The following SLC9C2 variants were observed in gnomAD, a reference collection of about 807,000 sequenced individuals.
SLC9C2 encodes solute carrier family 9 member C2 (putative).
SLC9C2 carries 75 observed loss-of-function variants against 140.2 expected under a neutral mutation model. The ratio of observed to expected loss-of-function variants is 0.53; its 90% CI spans 0.44 to 0.65. The LOEUF is 0.65. Among genes scored for constraint, SLC9C2 ranks in the 30% least tolerant of loss-of-function variants. The pLI, the probability that SLC9C2 is intolerant of heterozygous loss-of-function variation, is 0.00. For missense variants in SLC9C2, 1,074 were observed against 1,331.8 expected (o/e 0.81, Z 3.01); for synonymous variants, 375 against 420.9 (o/e 0.89, Z 1.34).
intron 23 of SLC9C2, among the ~76,000 whole-genome samples, chr1:173,510,510 G>T (rs765919936): frequency 4.9e-4 from 74 of 152,138 alleles, no homozygotes; most frequent in Non-Finnish European, 8.7e-4. Flanking sequence ...AAACGGCCCT[G>T]GTGTGTGATG....
chr1:173,592,809 G>GTTTGACTTCCTCTCTTCCTA (rs1666242226), intron 4 of SLC9C2, among the ~76,000 whole-genome samples: 1 of 152,184 alleles, frequency 6.6e-6, no homozygotes, highest in Non-Finnish European at 1.5e-5. Flanking sequence ...AAGAGGGATA[G>GTTTGACTTCCTCTCTTCCTA]TTTGACTTCC....
At chr1:173,515,983 C>A (rs1024073450) in intron 23 of SLC9C2, among the ~76,000 whole-genome samples, 9 of 152,316 alleles carry the variant, frequency 5.9e-5, no homozygotes, top group Non-Finnish European at 1.5e-5. Context: ...TTTGCTCCCA[C>A]ACCTGGAGAT....
chr1:173,580,551 C>T (rs937949609), intron 7 of SLC9C2, among the ~76,000 whole-genome samples: 1 of 152,158 alleles, frequency 6.6e-6, no homozygotes, highest in Non-Finnish European at 1.5e-5. Flanking sequence ...CAGGGTTTCA[C>T]TATATTGGCC....
chr1:173,600,221 A>C lies in SLC9C2; in HGVS notation c.128-4T>G. 6.2e-7 allele frequency: 1 copy of C among 1,606,884 alleles called. No homozygotes were observed. The highest frequency in any genetic ancestry group is 1.1e-5 in the South Asian group (1 of 90,340). On this transcript the variant is annotated splice_region_variant and splice_polypyrimidine_tract_variant and intron_variant, in intron 2 of 27. Transcript: ENST00000367714. ...TTTAAACACATCTTCAAAAGCCCTAAATGTGAAAAACAGAATAGTTGCATG... is the reference window on the plus strand; with the variant it reads ...TTTAAACACATCTTCAAAAGCCCTACATGTGAAAAACAGAATAGTTGCATG...
intron 6 of SLC9C2, 60 bp from the exon 7 acceptor site, chr1:173,582,068 C>T: frequency 1.5e-6 from 2 of 1,319,678 alleles, no homozygotes; most frequent in Admixed American, 5.5e-5. Context: ...TTGTCTCTTT[C>T]ACTGATGGCA....
chr1:173,505,681 G>A lies in SLC9C2; in HGVS notation c.3226-350C>T, dbSNP rs192150082. On this transcript the variant is annotated intron_variant, in intron 25 of 27. Transcript: ENST00000367714. ...TCAGCATTCCCAGGATGGCAAGACT[G>A]TCTTCCTTTCTTAGACCATTTGTCC... 4.6e-5 allele frequency among the ~76,000 whole-genome samples: 7 copies of A among 152,292 alleles called. No homozygotes were observed. The East Asian group carries it at 1.2e-3, about 25-fold the overall frequency.
At chr1:173,565,036 C>G (rs1664384791) in intron 9 of SLC9C2, among the ~76,000 whole-genome samples, 1 of 142,240 alleles carries the variant, frequency 7.0e-6, no homozygotes, top group Non-Finnish European at 1.5e-5. Flanking sequence ...GGTGCAAACT[C>G]AGCTCACTGC....
At chr1:173,587,619 T>C in intron 5 of SLC9C2, 46 bp downstream of exon 5, 1 of 1,490,574 alleles carries the variant, frequency 6.7e-7, no homozygotes, top group Non-Finnish European at 9.2e-7. Context: ...GAAAATAATG[T>C]ACCCTTATAT....
At chr1:173,593,971 G>T (rs1276936431) in intron 4 of SLC9C2, among the ~76,000 whole-genome samples, 2 of 152,142 alleles carry the variant, frequency 1.3e-5, no homozygotes, top group South Asian at 2.1e-4. Context: ...AAGTGAAATG[G>T]TGGATAAAAG....
intron 5 of SLC9C2, among the ~76,000 whole-genome samples, chr1:173,583,848 T>C (rs1438158850): frequency 1.3e-5 from 2 of 152,238 alleles, no homozygotes; most frequent in African/African-American, 2.4e-5. Flanking sequence ...GCACTGCTTG[T>C]ATTGTTCATT....
At chr1:173,566,248 T>C (rs562839102) in intron 9 of SLC9C2, among the ~76,000 whole-genome samples, 4 of 152,054 alleles carry the variant, frequency 2.6e-5, no homozygotes, top group Non-Finnish European at 4.4e-5. Flanking sequence ...AATTTGAGTA[T>C]AATGGGTATT....
chr1:173,540,996 C>T (rs2102024711), intron 13 of SLC9C2, among the ~76,000 whole-genome samples: 1 of 152,294 alleles, frequency 6.6e-6, no homozygotes, highest in African/African-American at 2.4e-5. Flanking sequence ...ATCAAATTCA[C>T]ATATAACAAT....
At chr1:173,551,152 T>A (rs1337786648) in intron 11 of SLC9C2, among the ~76,000 whole-genome samples, 3 of 152,178 alleles carry the variant, frequency 2.0e-5, no homozygotes, top group Non-Finnish European at 4.4e-5. Flanking sequence ...TAGGACAGGA[T>A]GAATATAGCA....
chr1:173,600,702 A>C (rs1666728601), intron 2 of SLC9C2, among the ~76,000 whole-genome samples: 1 of 152,166 alleles, frequency 6.6e-6, no homozygotes, highest in Non-Finnish European at 1.5e-5. Context: ...TATGTTTTTT[A>C]CACTCTTTCT....
chr1:173,575,253 G>C (rs1300884833), intron 8 of SLC9C2, among the ~76,000 whole-genome samples: 1 of 152,064 alleles, frequency 6.6e-6, no homozygotes, highest in Non-Finnish European at 1.5e-5. Context: ...ACTTAACAAG[G>C]AGCACTTCTG....
chr1:173,600,229 A>T lies in SLC9C2; in HGVS notation c.128-12T>A. 6.3e-7 allele frequency: 1 copy of T among 1,595,592 alleles called. No homozygotes were observed. Among genetic ancestry groups the T allele is most frequent in the South Asian group, 1.1e-5 (1 of 89,946 alleles). On this transcript the variant is annotated splice_polypyrimidine_tract_variant and intron_variant, in intron 2 of 27. Coordinates refer to ENST00000367714, the MANE Select transcript of SLC9C2 (RefSeq NM_178527.4). ...CATCTTCAAAAGCCCTAAATGTGAA[A>T]AACAGAATAGTTGCATGAGTACTCG...
At chr1:173,504,652 G>T (rs1399195497) in intron 26 of SLC9C2, among the ~76,000 whole-genome samples, 1 of 152,144 alleles carries the variant, frequency 6.6e-6, no homozygotes, top group Non-Finnish European at 1.5e-5. Context: ...CTGAGCACAA[G>T]ATGGAAGATC....
intron 20 of SLC9C2, among the ~76,000 whole-genome samples, chr1:173,524,447 C>T (rs1030451067): frequency 3.3e-5 from 5 of 152,310 alleles, no homozygotes; most frequent in South Asian, 2.1e-4. Context: ...CTTTCTACAT[C>T]GCTGTTCAAA....
chr1:173,508,393 A>T (rs1486090419), intron 24 of SLC9C2, among the ~76,000 whole-genome samples: 1 of 152,060 alleles, frequency 6.6e-6, no homozygotes, highest in Admixed American at 6.5e-5. Context: ...TTGTGAATTT[A>T]AAAAAATTTA....
Sources: allele counts gnomAD v4.1 joint callset (sites outside exome capture counted in the v4.1 genomes callset), GRCh38; gene constraint gnomAD v4.1.1; transcripts MANE v1.5; gene names NCBI Gene and HGNC (gene_info 2026-07-23, HGNC 2026-07-21).